The following NAV2 variants were observed in gnomAD, a reference collection of about 807,000 sequenced individuals.
NAV2 encodes the protein helicase, APC down-regulated 1.
Under a neutral mutation model 223.2 loss-of-function variants are expected in NAV2, and 54 were observed. The observed-to-expected ratio is 0.24, with a 90% confidence interval of 0.19 to 0.30. The LOEUF (loss-of-function observed/expected upper bound fraction) is 0.30. Among genes scored for constraint, NAV2 ranks in the 10% least tolerant of loss-of-function variants. The probability of loss-of-function intolerance (pLI) is 1.00; values close to 1 mark genes in which losing one functional copy is unlikely to be tolerated. For synonymous variants in NAV2, 1,279 were observed against 1,239.3 expected (o/e 1.03, Z -0.67); for missense variants, 2,806 against 3,147.5 (o/e 0.89, Z 2.60).
intron 26 of NAV2, among the ~76,000 whole-genome samples, chr11:20,088,801 G>A (rs188703472): frequency 3.3e-5 from 5 of 152,252 alleles, no homozygotes; most frequent in East Asian, 1.9e-4. Flanking sequence ...CTGGACAGAC[G>A]AGCCTCACAT....
intron 1 of NAV2, among the ~76,000 whole-genome samples, chr11:19,754,884 G>A (rs2054116023): frequency 6.6e-6 from 1 of 152,172 alleles, no homozygotes; most frequent in Non-Finnish European, 1.5e-5. Flanking sequence ...ATGGAGGAGT[G>A]TTGCTGTCTC....
At chr11:19,884,019 G>C (rs2063376363) in intron 5 of NAV2, among the ~76,000 whole-genome samples, 1 of 152,210 alleles carries the variant, frequency 6.6e-6, no homozygotes, top group Non-Finnish European at 1.5e-5. Context: ...AGGCCTTAAG[G>C]CAAGAAAGAC....
chr11:20,086,896 G>A (rs1565031027), intron 26 of NAV2, among the ~76,000 whole-genome samples: 1 of 152,130 alleles, frequency 6.6e-6, no homozygotes, highest in Non-Finnish European at 1.5e-5. Context: ...GATGCCAGCA[G>A]ACATCCATAT....
intron 1 of NAV2, chr11:19,506,114 T>C (rs1206130433): frequency 6.6e-6 from 1 of 152,296 alleles, no homozygotes; most frequent in Non-Finnish European, 1.5e-5. Flanking sequence ...TATTTTCCAC[T>C]GGTCAAAGTT....
At chr11:19,746,153 A>C (rs1358886923) in intron 1 of NAV2, among the ~76,000 whole-genome samples, 1 of 152,218 alleles carries the variant, frequency 6.6e-6, no homozygotes, top group East Asian at 1.9e-4. Context: ...GCCTCGGCCC[A>C]CTTCACAGCT....
chr11:20,041,870 C>G (rs1310891324), intron 12 of NAV2, among the ~76,000 whole-genome samples: 1 of 152,220 alleles, frequency 6.6e-6, no homozygotes, highest in Non-Finnish European at 1.5e-5. Context: ...GAACTGATCA[C>G]TGTCGCCTAC....
At chr11:19,669,165 G>C (rs754897176) in intron 1 of NAV2, among the ~76,000 whole-genome samples, 37 of 152,148 alleles carry the variant, frequency 2.4e-4, no homozygotes, top group Non-Finnish European at 5.0e-4. Flanking sequence ...GGGCCTTTCT[G>C]TATGAAAGGC....
intron 8 of NAV2, among the ~76,000 whole-genome samples, chr11:19,945,018 TTTTC>T (rs948282453): frequency 6.6e-6 from 1 of 150,634 alleles, no homozygotes. Flanking sequence ...TTTCCTTTCC[TTTTC>T]TTTCTTCTTT....
At chr11:20,024,589 T>C (rs1345350542) in intron 11 of NAV2, among the ~76,000 whole-genome samples, 2 of 152,256 alleles carry the variant, frequency 1.3e-5, no homozygotes, top group Non-Finnish European at 2.9e-5. Context: ...GCTGAGCTTC[T>C]CTTGGGCTGT....
intron 1 of NAV2, among the ~76,000 whole-genome samples, chr11:19,740,202 G>T (rs1328577229): frequency 6.6e-6 from 1 of 152,206 alleles, no homozygotes; most frequent in African/African-American, 2.4e-5. Context: ...GGGCCCTGAA[G>T]TGTGAAGGGG....
At chr11:19,771,696 C>T (rs1355410095) in intron 1 of NAV2, among the ~76,000 whole-genome samples, 5 of 152,030 alleles carry the variant, frequency 3.3e-5, no homozygotes, top group African/African-American at 7.2e-5. Context: ...ATTTAGTATG[C>T]GCAATGGGGA....
intron 1 of NAV2, among the ~76,000 whole-genome samples, chr11:19,760,941 G>A (rs1343799748): frequency 6.6e-6 from 1 of 152,212 alleles, no homozygotes; most frequent in African/African-American, 2.4e-5. Context: ...AAGGTATAGA[G>A]TTTGGAAAAA....
At chr11:19,768,246 A>T (rs931807265) in intron 1 of NAV2, among the ~76,000 whole-genome samples, 2 of 152,106 alleles carry the variant, frequency 1.3e-5, no homozygotes, top group Non-Finnish European at 2.9e-5. Context: ...CCATGTTCTC[A>T]TCGGGAAGGA....
At chr11:19,416,761 G>GAACAGAACAGAGGCCTCAGAAAT (rs1357476153) in intron 1 of NAV2, among the ~76,000 whole-genome samples, 4 of 152,094 alleles carry the variant, frequency 2.6e-5, no homozygotes, top group African/African-American at 9.7e-5. Flanking sequence ...TAGACCAATG[G>GAACAGAACAGAGGCCTCAGAAAT]AACAGAACAG....
intron 1 of NAV2, among the ~76,000 whole-genome samples, chr11:19,411,512 A>T (rs530999892): frequency 6.6e-6 from 1 of 152,116 alleles, no homozygotes; most frequent in East Asian, 1.9e-4. Context: ...GCTTTCCTTC[A>T]TCTGGTTGTG....
chr11:20,092,353 G>A lies in NAV2; in HGVS notation c.5800G>A (p.Glu1934Lys). 1 of 1,612,822 alleles carries A rather than the reference G, an allele frequency of 6.2e-7. No individual in the cohort carries two copies. The highest frequency in any genetic ancestry group is 8.5e-7 in the Non-Finnish European group (1 of 1,178,950). ...CTCCCAGCACAGCTTGAACCTCACTGAGTCAACCAGCCTGGGTGAGTGGCC... is the reference window on the plus strand; with the variant it reads ...CTCCCAGCACAGCTTGAACCTCACTAAGTCAACCAGCCTGGGTGAGTGGCC... ...GLSQHSLNLTESTSLDMLLDD... is the reference protein window; with the variant it reads ...GLSQHSLNLTKSTSLDMLLDD... The change falls in exon 28 of 38, where the codon GAG becomes AAG. Residue 1934 changes from glutamate to lysine, a missense_variant. By Grantham distance (56) the Glu-to-Lys change is moderately conservative. Coordinates refer to ENST00000349880, the MANE Select transcript of NAV2 (RefSeq NM_145117.5).
At chr11:19,729,807 TG>T (rs1332557191) in intron 1 of NAV2, among the ~76,000 whole-genome samples, 1 of 152,158 alleles carries the variant, frequency 6.6e-6, no homozygotes, top group Non-Finnish European at 1.5e-5. Flanking sequence ...AAGACATCCC[TG>T]TAACAGTGGC....
intron 1 of NAV2, among the ~76,000 whole-genome samples, chr11:19,458,462 A>G (rs1271184547): frequency 6.6e-6 from 1 of 152,254 alleles, no homozygotes; most frequent in Non-Finnish European, 1.5e-5. Context: ...GCCTTGGGAA[A>G]TTGCCCAGGA....
intron 1 of NAV2, among the ~76,000 whole-genome samples, chr11:19,547,120 C>T (rs2044525906): frequency 6.6e-6 from 1 of 152,236 alleles, no homozygotes; most frequent in African/African-American, 2.4e-5. Context: ...GCCTCTCCTG[C>T]CCTGCACATG....
Sources: gnomAD v4.1 joint callset for allele counts (sites outside exome capture counted in the v4.1 genomes callset) on GRCh38, gnomAD v4.1.1 for gene constraint, MANE v1.5 for transcripts, NCBI Gene and HGNC (gene_info 2026-07-23, HGNC 2026-07-21) for gene names.